Variants in PKD1L1 observed in about 807,000 individuals in gnomAD.
The protein encoded by PKD1L1 is polycystin 1 like 1, transient receptor potential channel interacting.
Under a neutral mutation model 323.4 loss-of-function variants are expected in PKD1L1, and 236 were observed. The ratio of observed to expected loss-of-function variants is 0.73; its 90% CI spans 0.66 to 0.81. PKD1L1 has a LOEUF of 0.81. Among genes scored for constraint, PKD1L1 ranks in the 40% least tolerant of loss-of-function variants. The pLI is 0.00. For missense variants in PKD1L1, 3,320 were observed against 3,508.0 expected (o/e 0.95, Z 1.35); for synonymous variants, 1,344 against 1,335.0 (o/e 1.01, Z -0.15).
Position 47,946,701 on chromosome 7 carries a change from T to G in PKD1L1, c.44+1696A>C, listed in dbSNP as rs895988695. On this transcript the variant is annotated intron_variant, in intron 1 of 56. Coordinates refer to ENST00000289672, the MANE Select transcript of PKD1L1 (RefSeq NM_138295.5). This position sits in a 1 kb window ranked among gnomAD's most constrained non-coding sequence, Gnocchi z 4.1. Reference sequence around the variant, plus strand: ...CACACACAGACACTACAGGCCTAACTCCATGAAATGAGGGCTACAGGAGAG... The same window carrying G: ...CACACACAGACACTACAGGCCTAACGCCATGAAATGAGGGCTACAGGAGAG... Among the ~76,000 whole-genome samples, 20 of 151,846 alleles carry G rather than the reference T, an allele frequency of 1.3e-4. No individual in the cohort carries two copies. The highest frequency in any genetic ancestry group is 4.8e-4 in the African/African-American group (20 of 41,368).
rs141336298 is a variant in PKD1L1, at chr7:47,820,008, C to T, written c.6965+1068G>A. ...TAAATAAGGTAACTCCTGGAACACACTGAATTATTGTATTTACCAGCATTG... is the reference window on the plus strand; with the variant it reads ...TAAATAAGGTAACTCCTGGAACACATTGAATTATTGTATTTACCAGCATTG... On this transcript the variant is annotated intron_variant, in intron 46 of 56. Coordinates refer to ENST00000289672, the MANE Select transcript of PKD1L1 (RefSeq NM_138295.5). Among the ~76,000 whole-genome samples the T allele has an allele frequency of 1.6e-3, 238 of 152,300 alleles. 1 individual carries two copies. Among genetic ancestry groups the T allele is most frequent in the African/African-American group, 5.4e-3 (223 of 41,576 alleles).
At chr7:47,916,461 G>A (rs1787430506) in intron 7 of PKD1L1, among the ~76,000 whole-genome samples, 1 of 152,204 alleles carries the variant, frequency 6.6e-6, no homozygotes. Context: ...AACTTGGATG[G>A]ACAGAGCAGT....
intron 34 of PKD1L1, among the ~76,000 whole-genome samples, chr7:47,842,384 C>T (rs1342531511): frequency 9.9e-5 from 15 of 152,216 alleles, no homozygotes; most frequent in Admixed American, 6.5e-5. Flanking sequence ...ATGGTTCCCT[C>T]GGGAAATGGA....
At chr7:47,916,185 T>C (rs1787425739) in intron 7 of PKD1L1, among the ~76,000 whole-genome samples, 1 of 152,240 alleles carries the variant, frequency 6.6e-6, no homozygotes, top group Admixed American at 6.5e-5. Context: ...CCAGTACCTA[T>C]CTACCTACCT....
chr7:47,821,291 C>T (rs529109179), intron 45 of PKD1L1, 105 bp from the exon 46 acceptor site: 76 of 627,626 alleles, frequency 1.2e-4, no homozygotes, highest in African/African-American at 3.3e-4. Context: ...ATTTTTGAGA[C>T]GGAGTCTCAC....
At chr7:47,936,748 G>C (rs2128757206) in intron 4 of PKD1L1, 98 bp downstream of exon 4, 3 of 936,148 alleles carry the variant, frequency 3.2e-6, no homozygotes, top group South Asian at 1.5e-5. Flanking sequence ...GGCCATGTAG[G>C]AACAAGCATC....
intron 20 of PKD1L1, 93 bp from the exon 21 acceptor site, chr7:47,880,898 C>T (rs1171899889): frequency 5.1e-6 from 5 of 975,450 alleles, no homozygotes; most frequent in Admixed American, 2.4e-5. Context: ...CCACTCTTCC[C>T]CCAGGGGTGA....
Position 47,839,434 on chromosome 7 carries a change from G to T in PKD1L1, c.5769+12C>A. 1 of 1,597,210 alleles carries T rather than the reference G, an allele frequency of 6.3e-7. No individual in the cohort carries two copies. Among genetic ancestry groups the T allele is most frequent in the Non-Finnish European group, 8.5e-7 (1 of 1,170,322 alleles). On this transcript the variant is annotated intron_variant, in intron 36 of 56. Coordinates refer to ENST00000289672, the MANE Select transcript of PKD1L1 (RefSeq NM_138295.5). The surrounding 1 kb of genome is among the most constrained non-coding windows in gnomAD (Gnocchi z 4.3). Reference sequence around the variant, plus strand: ...CAGGTGCGCCACGAGAGGCCACCTGGAGGGAGCCTACCTTCCGGAAGCCGA... The same window carrying T: ...CAGGTGCGCCACGAGAGGCCACCTGTAGGGAGCCTACCTTCCGGAAGCCGA...
Position 47,893,867 on chromosome 7 carries a change from G to T in PKD1L1, c.2453+11C>A, listed in dbSNP as rs200764254. On this transcript the variant is annotated intron_variant, in intron 15 of 56. Transcript: ENST00000289672. ...AGTAGCTGCGCAGCTCTGTGTGGGG[G>T]TGGTGCTCACCTGAGAGTCGCCCCA... is the stretch of plus-strand genomic sequence containing the variant. 5.7e-4 allele frequency: 911 copies of T among 1,611,292 alleles called. 4 individuals are homozygous for T. In the African/African-American group the frequency reaches 6.1e-3, roughly 11 times the overall value.
At chr7:47,784,733 A>T (rs1309672748) in intron 56 of PKD1L1, among the ~76,000 whole-genome samples, 1 of 152,132 alleles carries the variant, frequency 6.6e-6, no homozygotes, top group East Asian at 1.9e-4. Flanking sequence ...TCAGCCTCCC[A>T]AAGTGCTGGG....
At position 47,834,989 on chromosome 7, in the gene PKD1L1, T is replaced by C. The variant is rs763919285; in HGVS notation, c.6105A>G (p.Gly2035=). 3.1e-6 allele frequency: 5 copies of C among 1,613,908 alleles called. No homozygotes were observed. In the South Asian group the frequency reaches 5.5e-5, roughly 18 times the overall value. ...TACCATGGGGTGCCTCGGTCTGTGC[T>C]CCTCCTCTAAGTGGGCTGTGTGGCT... The part of the protein sequence containing the change: ...RVEPHSPLRG[G]AQTEAPHGPN... Residue 2035 remains glycine (G), a synonymous_variant, in exon 39 of 57, where the codon GGA becomes GGG. Transcript: ENST00000289672.
intron 22 of PKD1L1, 83 bp downstream of exon 22, chr7:47,877,406 T>C (rs576899039): frequency 1.3e-5 from 20 of 1,542,268 alleles, no homozygotes; most frequent in Non-Finnish European, 1.7e-5. Context: ...TTGCTGTCCA[T>C]TCCTACAGCA....
intron 46 of PKD1L1, among the ~76,000 whole-genome samples, chr7:47,819,225 G>A (rs191524302): frequency 2.0e-5 from 3 of 152,194 alleles, no homozygotes; most frequent in East Asian, 3.8e-4. Context: ...AGGCAGTGAG[G>A]TTTTGCATCC....
chr7:47,822,606 A>C (rs1357296815), intron 45 of PKD1L1, among the ~76,000 whole-genome samples: 5 of 151,092 alleles, frequency 3.3e-5, no homozygotes, highest in African/African-American at 7.3e-5. Context: ...AAAAAAAAAA[A>C]AAAAAAAAAA....
chr7:47,830,919 G>T (rs1186042890), intron 42 of PKD1L1, among the ~76,000 whole-genome samples: 1 of 152,184 alleles, frequency 6.6e-6, no homozygotes, highest in African/African-American at 2.4e-5. Context: ...CTCCTCTCAG[G>T]AGCTCTGCAG....
chr7:47,936,249 T>C (rs767705790), intron 4 of PKD1L1, among the ~76,000 whole-genome samples: 18 of 152,200 alleles, frequency 1.2e-4, no homozygotes, highest in Admixed American at 6.5e-4. Context: ...CACATGTATA[T>C]GGTTGTGCAG....
intron 46 of PKD1L1, among the ~76,000 whole-genome samples, chr7:47,820,630 G>A (rs1785119385): frequency 6.6e-6 from 1 of 152,210 alleles, no homozygotes; most frequent in African/African-American, 2.4e-5. Context: ...GGGAGGCTGA[G>A]GCAGGAGAAT....
chr7:47,949,033 G>A (rs1788159102), upstream of PKD1L1, among the ~76,000 whole-genome samples: 1 of 152,108 alleles, frequency 6.6e-6, no homozygotes, highest in Non-Finnish European at 1.5e-5. Flanking sequence ...ACTACTCAAG[G>A]GAGAGACTGT....
intron 52 of PKD1L1, among the ~76,000 whole-genome samples, chr7:47,806,422 A>G (rs1784778532): frequency 6.6e-6 from 1 of 152,228 alleles, no homozygotes; most frequent in Admixed American, 6.5e-5. Context: ...GCAAGACTAC[A>G]GTTACATGGG....
Sources: allele counts gnomAD v4.1 joint callset (sites outside exome capture counted in the v4.1 genomes callset), GRCh38; gene constraint gnomAD v4.1.1; non-coding constraint Gnocchi (gnomAD v3.1); transcripts MANE v1.5; gene names NCBI Gene and HGNC (gene_info 2026-07-23, HGNC 2026-07-21).